The following BABAM2 variants were observed in gnomAD, a reference collection of about 807,000 sequenced individuals.
BABAM2 encodes the protein BRISC and BRCA1 A complex member 2.
A neutral mutation model predicts 54.7 loss-of-function variants in BABAM2; 31 were observed. That is an observed-to-expected ratio of 0.57 (90% CI 0.43 to 0.77). BABAM2 has a LOEUF of 0.77. Ranked by LOEUF, BABAM2 falls within the 30% of genes least tolerant of loss-of-function variation. BABAM2 has a pLI of 0.00. For missense variants in BABAM2, 364 were observed against 455.8 expected, an observed-to-expected ratio of 0.80 and a Z score of 1.83; for synonymous variants, 167 against 162.9, an observed-to-expected ratio of 1.03 and a Z score of -0.19.
At chr2:27,909,378 T>TATATAAAGATAAATA (rs1666415516) in intron 2 of BABAM2, among the ~76,000 whole-genome samples, 6 of 152,318 alleles carry the variant, frequency 3.9e-5, no homozygotes, top group Admixed American at 1.3e-4. Flanking sequence ...TTTGGAGAAA[T>TATATAAAGATAAATA]GTCTGTTCAA....
chr2:28,080,662 T>G (rs1196946826), intron 6 of BABAM2, among the ~76,000 whole-genome samples: 1 of 152,198 alleles, frequency 6.6e-6, no homozygotes, highest in Non-Finnish European at 1.5e-5. Flanking sequence ...GTTAAGAGCA[T>G]GGTTCAAATA....
At chr2:27,943,411 A>G (rs1313432679) in intron 3 of BABAM2, among the ~76,000 whole-genome samples, 1 of 152,120 alleles carries the variant, frequency 6.6e-6, no homozygotes, top group Admixed American at 6.5e-5. Flanking sequence ...ATACTTCCCA[A>G]ATACCCTGCC....
chr2:27,892,186 T>C (rs1468016430), intron 1 of BABAM2, among the ~76,000 whole-genome samples: 1 of 152,238 alleles, frequency 6.6e-6, no homozygotes. Context: ...CAACAAGTTA[T>C]TTTATTTTGC....
At chr2:28,184,372 A>G (rs1676046231) in intron 7 of BABAM2, among the ~76,000 whole-genome samples, 1 of 147,986 alleles carries the variant, frequency 6.8e-6, no homozygotes, top group Admixed American at 7.0e-5. Context: ...GTACATGTGC[A>G]CAAAGTGTAG....
At chr2:27,992,347 T>C (rs1672842091) in intron 4 of BABAM2, among the ~76,000 whole-genome samples, 1 of 152,192 alleles carries the variant, frequency 6.6e-6, no homozygotes, top group South Asian at 2.1e-4. Context: ...CACTGTTCAA[T>C]ATGGAACTTG....
chr2:28,317,070 G>A (rs1055706251), intron 11 of BABAM2, among the ~76,000 whole-genome samples: 4 of 151,960 alleles, frequency 2.6e-5, no homozygotes, highest in Admixed American at 6.6e-5. Flanking sequence ...CATGTCCTTC[G>A]GCACTGCCGT....
At chr2:28,176,569 C>CA (rs778275011) in intron 7 of BABAM2, among the ~76,000 whole-genome samples, 1,558 of 5,018 alleles carry the variant, frequency 0.31, 720 homozygotes, top group South Asian at 0.38. Context: ...GACTCTATCT[C>CA]AAAAAAAAAA....
intron 6 of BABAM2, among the ~76,000 whole-genome samples, chr2:28,086,035 G>A (rs1665609622): frequency 6.6e-6 from 1 of 152,068 alleles, no homozygotes; most frequent in Non-Finnish European, 1.5e-5. Context: ...TTTAGGATGT[G>A]TTAAGGAAAA....
chr2:28,064,971 C>G (rs1255370492), intron 6 of BABAM2, among the ~76,000 whole-genome samples: 1 of 151,320 alleles, frequency 6.6e-6, no homozygotes, highest in African/African-American at 2.4e-5. Context: ...CCACTGCACT[C>G]CAGCCTGGGC....
In BABAM2 at chr2:28,152,992, T is replaced by C. The variant is rs1672200128; in HGVS notation, c.680+23612T>C. Among the ~76,000 whole-genome samples the C allele has an allele frequency of 2.0e-5, 3 of 152,240 alleles. No individual in the cohort carries two copies. In the South Asian group the frequency reaches 6.2e-4, roughly 31 times the overall value. ...CAAAGCCATCCTCTTCATTTAGCTA[T>C]ATCTCTTGTATCCCTATTTGTCTTT... On this transcript the variant is annotated intron_variant, in intron 7 of 11. Coordinates refer to ENST00000379624, the MANE Select transcript of BABAM2 (RefSeq NM_199191.3).
chr2:27,963,063 T>A (rs1670584451), intron 3 of BABAM2, among the ~76,000 whole-genome samples: 1 of 152,204 alleles, frequency 6.6e-6, no homozygotes, highest in Non-Finnish European at 1.5e-5. Context: ...ATAGTGTTGA[T>A]CTTTTTGACA....
chr2:28,078,639 G>A (rs1283628494), intron 6 of BABAM2, among the ~76,000 whole-genome samples: 1 of 152,152 alleles, frequency 6.6e-6, no homozygotes, highest in Non-Finnish European at 1.5e-5. Context: ...ATTTAGATGG[G>A]AGAATGGGGA....
intron 10 of BABAM2, among the ~76,000 whole-genome samples, chr2:28,277,513 A>G (rs1466049528): frequency 1.3e-5 from 2 of 152,212 alleles, no homozygotes; most frequent in African/African-American, 4.8e-5. Flanking sequence ...TTTGCCAAAG[A>G]AACATGGACA....
In BABAM2 at chr2:27,981,964, A is replaced by G. The variant is rs953567950; in HGVS notation, c.206-6029A>G. On this transcript the variant is annotated intron_variant, in intron 3 of 11. Coordinates refer to ENST00000379624, the MANE Select transcript of BABAM2 (RefSeq NM_199191.3). ...TTCAAAAGTGACTGCACCATTTTGC[A>G]TTCACACCAGCAGTGTATAAGTGTT... 2.6e-5 allele frequency among the ~76,000 whole-genome samples: 4 copies of G among 152,136 alleles called. No homozygotes were observed. In the East Asian group the frequency reaches 5.8e-4, roughly 22 times the overall value.
chr2:28,279,077 G>A (rs1686120768), intron 10 of BABAM2, among the ~76,000 whole-genome samples: 2 of 152,198 alleles, frequency 1.3e-5, no homozygotes, highest in Admixed American at 1.3e-4. Context: ...TGCTTTACAG[G>A]ATGAGAGAAC....
intron 2 of BABAM2, among the ~76,000 whole-genome samples, chr2:27,908,944 A>G (rs1210006564): frequency 6.6e-6 from 1 of 152,074 alleles, no homozygotes; most frequent in African/African-American, 2.4e-5. Flanking sequence ...TTTTGTTTTC[A>G]TAGTAGTAAT....
At chr2:27,903,865 T>A (rs187822603) in intron 2 of BABAM2, among the ~76,000 whole-genome samples, 96 of 152,344 alleles carry the variant, frequency 6.3e-4, no homozygotes, top group African/African-American at 2.1e-3. Flanking sequence ...TATTTTTTTT[T>A]AATTCCTTAT....
intron 6 of BABAM2, among the ~76,000 whole-genome samples, chr2:28,055,069 A>G (rs1388240575): frequency 6.6e-6 from 1 of 152,204 alleles, no homozygotes; most frequent in African/African-American, 2.4e-5. Flanking sequence ...TGCACAAGTG[A>G]ATACTGTACA....
At chr2:27,968,170 A>G (rs936706624) in intron 3 of BABAM2, among the ~76,000 whole-genome samples, 2 of 152,190 alleles carry the variant, frequency 1.3e-5, no homozygotes, top group Non-Finnish European at 2.9e-5. Context: ...CCAGAGGCCT[A>G]GGGGTAAAAT....
Sources: gnomAD v4.1 joint callset for allele counts (sites outside exome capture counted in the v4.1 genomes callset) on GRCh38, gnomAD v4.1.1 for gene constraint, MANE v1.5 for transcripts, NCBI Gene and HGNC (gene_info 2026-07-23, HGNC 2026-07-21) for gene names.